Variants in GPC6 observed in about 807,000 individuals in gnomAD.
GPC6 encodes the protein glypican 6.
Under a neutral mutation model 55.2 loss-of-function variants are expected in GPC6, and 14 were observed. That is an observed-to-expected ratio of 0.25 (90% CI 0.17 to 0.40). GPC6 has a LOEUF of 0.40. Ranked by LOEUF, GPC6 falls within the 10% of genes least tolerant of loss-of-function variation. The pLI is 1.00. For synonymous variants in GPC6, 278 were observed against 259.6 expected (o/e 1.07, Z -0.68); for missense variants, 641 against 708.5 (o/e 0.90, Z 1.08).
At chr13:94,066,921 C>G (rs988197696) in intron 4 of GPC6, among the ~76,000 whole-genome samples, 2 of 152,164 alleles carry the variant, frequency 1.3e-5, no homozygotes, top group Non-Finnish European at 2.9e-5. Flanking sequence ...ACTTGGCAAC[C>G]TTGCATGGAA....
chr13:93,227,578 G>A lies in GPC6; in HGVS notation c.122G>A (p.Gly41Glu), dbSNP rs1441732321. 6.2e-7 allele frequency: 1 copy of A among 1,611,044 alleles called. No individual in the cohort carries two copies. Among genetic ancestry groups the A allele is most frequent in the Non-Finnish European group, 8.5e-7 (1 of 1,179,176 alleles). Residue 41 changes from glycine to glutamate, a missense_variant, in exon 1 of 9, where the codon GGA (glycine) becomes GAA (glutamate). Physicochemically the swap from Gly to Glu is moderately conservative, Grantham distance 98. Transcript: ENST00000377047. This position sits in a 1 kb window ranked among gnomAD's most constrained non-coding sequence, Gnocchi z 4.3. ...GEVRQAYGAK[G>E]FSLADIPYQE... Reference sequence around the variant, plus strand: ...GTCCGCCAGGCGTACGGTGCCAAGGGATTCAGCCTGGCGGACATCCCCTAC... The same window carrying A: ...GTCCGCCAGGCGTACGGTGCCAAGGAATTCAGCCTGGCGGACATCCCCTAC...
At chr13:93,555,731 C>T (rs773252128) in intron 2 of GPC6, among the ~76,000 whole-genome samples, 15 of 152,210 alleles carry the variant, frequency 9.9e-5, no homozygotes, top group South Asian at 4.1e-4. Context: ...CACACACAGG[C>T]GTGAATAAGA....
At chr13:93,966,199 TGCAG>T (rs10593111) in intron 3 of GPC6, among the ~76,000 whole-genome samples, 2,103 of 152,306 alleles carry the variant, frequency 0.014, 57 homozygotes, top group African/African-American at 0.049. Flanking sequence ...TGTCACTGGC[TGCAG>T]GCAGGCAAAC....
chr13:93,321,687 T>G (rs1879440488), intron 1 of GPC6, among the ~76,000 whole-genome samples: 1 of 152,198 alleles, frequency 6.6e-6, no homozygotes, highest in Admixed American at 6.5e-5. Flanking sequence ...TTTATATTTC[T>G]CTCTAGAAAA....
chr13:93,358,905 T>C (rs545257077), intron 1 of GPC6, among the ~76,000 whole-genome samples: 1 of 152,106 alleles, frequency 6.6e-6, no homozygotes, highest in African/African-American at 2.4e-5. Flanking sequence ...TAGGGGAAAG[T>C]GTTTTAGGTG....
At chr13:93,249,099 C>T (rs1876700119) in intron 1 of GPC6, among the ~76,000 whole-genome samples, 1 of 152,144 alleles carries the variant, frequency 6.6e-6, no homozygotes. Context: ...AAAACTGAAA[C>T]AAATTTCAGA....
chr13:93,908,280 T>C (rs1876778101), intron 3 of GPC6, among the ~76,000 whole-genome samples: 1 of 152,164 alleles, frequency 6.6e-6, no homozygotes, highest in African/African-American at 2.4e-5. Flanking sequence ...ATAAATATTT[T>C]AAGTATGTCA....
chr13:93,685,316 G>A (rs1015806370), intron 2 of GPC6, among the ~76,000 whole-genome samples: 2 of 152,126 alleles, frequency 1.3e-5, no homozygotes, highest in African/African-American at 4.8e-5. Flanking sequence ...CAAGTCTCAC[G>A]CTTTGTGAGG....
chr13:93,894,109 T>G (rs1353513497), intron 3 of GPC6, among the ~76,000 whole-genome samples: 2 of 152,206 alleles, frequency 1.3e-5, no homozygotes, highest in Non-Finnish European at 2.9e-5. Context: ...GATTAATTTT[T>G]TTTGTTTCTT....
chr13:93,672,910 C>T lies in GPC6; in HGVS notation c.319+127489C>T, dbSNP rs151101066. ...GTATATTCATTAGAGGTCTTCCTGACTTCTTTGAGTTCTGTTCTCAGATGT... is the reference window on the plus strand; with the variant it reads ...GTATATTCATTAGAGGTCTTCCTGATTTCTTTGAGTTCTGTTCTCAGATGT... On this transcript the variant is annotated intron_variant, in intron 2 of 8. Transcript: ENST00000377047. Among the ~76,000 whole-genome samples, 325 of 152,098 alleles carry T rather than the reference C, an allele frequency of 2.1e-3. 3 individuals are homozygous for T. Among genetic ancestry groups the T allele is most frequent in the African/African-American group, 7.1e-3 (293 of 41,496 alleles).
intron 1 of GPC6, among the ~76,000 whole-genome samples, chr13:93,538,008 G>A (rs554786297): frequency 6.6e-6 from 1 of 152,204 alleles, no homozygotes; most frequent in East Asian, 1.9e-4. Flanking sequence ...CTGAGTGAAG[G>A]AAGAGCAAAT....
At chr13:94,191,677 C>T (rs529462579) in intron 4 of GPC6, among the ~76,000 whole-genome samples, 4 of 152,138 alleles carry the variant, frequency 2.6e-5, no homozygotes, top group Admixed American at 1.3e-4. Flanking sequence ...ACTTATCTTT[C>T]CATTTATATA....
At chr13:93,260,394 A>G (rs1877102925) in intron 1 of GPC6, among the ~76,000 whole-genome samples, 2 of 152,136 alleles carry the variant, frequency 1.3e-5, no homozygotes, top group African/African-American at 2.4e-5. Flanking sequence ...TAAAGAGTAT[A>G]TAAATTTGTA....
chr13:93,641,759 T>C (rs1415853764), intron 2 of GPC6, among the ~76,000 whole-genome samples: 1 of 152,030 alleles, frequency 6.6e-6, no homozygotes, highest in Non-Finnish European at 1.5e-5. Context: ...ATTCTTTGCA[T>C]TTTATAAAGG....
At chr13:94,202,618 A>C (rs1254788481) in intron 4 of GPC6, among the ~76,000 whole-genome samples, 2 of 152,218 alleles carry the variant, frequency 1.3e-5, no homozygotes, top group Admixed American at 6.5e-5. Flanking sequence ...GCTACAATTC[A>C]AGATGAGATT....
Position 93,612,772 on chromosome 13 carries a change from G to A in GPC6, c.319+67351G>A, listed in dbSNP as rs758469780. On this transcript the variant is annotated intron_variant, in intron 2 of 8. Coordinates refer to ENST00000377047, the MANE Select transcript of GPC6 (RefSeq NM_005708.5). ...TTCATTTTTAAGATGATAATCAGGA[G>A]ATTAAAGAATATTTTTCCATCATTC... 4.6e-5 allele frequency among the ~76,000 whole-genome samples: 7 copies of A among 152,152 alleles called. 1 individual carries two copies. In the South Asian group the frequency reaches 1.2e-3, roughly 27 times the overall value.
intron 3 of GPC6, among the ~76,000 whole-genome samples, chr13:93,909,891 C>T (rs1298402223): frequency 6.6e-6 from 1 of 152,142 alleles, no homozygotes; most frequent in African/African-American, 2.4e-5. Context: ...CCTCCCTCCT[C>T]TGCTCTCAGG....
At position 93,289,370 on chromosome 13, in the gene GPC6, G is replaced by T. The variant is rs184166774; in HGVS notation, c.160+61754G>T. ...AAAAGACTTTCAAAACGTGAGAATAGAGATAGATATTCTGGAAATATGATG... is the reference window on the plus strand; with the variant it reads ...AAAAGACTTTCAAAACGTGAGAATATAGATAGATATTCTGGAAATATGATG... On this transcript the variant is annotated intron_variant, in intron 1 of 8. Transcript: ENST00000377047. Among the ~76,000 whole-genome samples, 528 of 152,182 alleles carry T rather than the reference G, an allele frequency of 3.5e-3. 3 individuals are homozygous for T. Among genetic ancestry groups the T allele is most frequent in the African/African-American group, 0.012 (491 of 41,540 alleles).
At chr13:93,280,576 A>T (rs1877916634) in intron 1 of GPC6, among the ~76,000 whole-genome samples, 1 of 152,272 alleles carries the variant, frequency 6.6e-6, no homozygotes, top group Admixed American at 6.5e-5. Context: ...CAGTTGAAGC[A>T]TGGTGTTTTC....
Sources: allele counts gnomAD v4.1 joint callset (sites outside exome capture counted in the v4.1 genomes callset), GRCh38; gene constraint gnomAD v4.1.1; non-coding constraint Gnocchi (gnomAD v3.1); transcripts MANE v1.5; gene names NCBI Gene and HGNC (gene_info 2026-07-23, HGNC 2026-07-21).